The following CFAP299 variants were observed in gnomAD, a reference collection of about 807,000 sequenced individuals.
CFAP299 encodes cilia- and flagella-associated protein 299.
In CFAP299, 21 loss-of-function variants were observed where a neutral mutation model predicts 27.0. The ratio of observed to expected loss-of-function variants is 0.78; its 90% CI spans 0.55 to 1.12. The LOEUF (loss-of-function observed/expected upper bound fraction) is 1.12, where lower values mean the gene tolerates loss of function less well. Ranked by LOEUF, CFAP299 falls within the 50% of genes most tolerant of loss-of-function variation. CFAP299 has a pLI of 0.00. For missense variants in CFAP299, 310 were observed against 276.6 expected, an observed-to-expected ratio of 1.12 and a Z score of -0.86; for synonymous variants, 104 against 98.1, an observed-to-expected ratio of 1.06 and a Z score of -0.36.
At chr4:80,563,771 A>C (rs1735152720) in intron 2 of CFAP299, among the ~76,000 whole-genome samples, 1 of 152,066 alleles carries the variant, frequency 6.6e-6, no homozygotes, top group South Asian at 2.1e-4. Flanking sequence ...TTGGTTTTTG[A>C]AAAGTTAAAC....
intron 2 of CFAP299, among the ~76,000 whole-genome samples, chr4:80,372,713 A>G (rs1724206142): frequency 1.3e-5 from 2 of 152,174 alleles, no homozygotes; most frequent in South Asian, 2.1e-4. Context: ...ATCCTTTCCA[A>G]TCAGCGTGAT....
chr4:80,446,327 G>C (rs182215641), intron 2 of CFAP299, among the ~76,000 whole-genome samples: 85 of 152,300 alleles, frequency 5.6e-4, no homozygotes, highest in African/African-American at 2.0e-3. Flanking sequence ...ATGCAGGAAG[G>C]GGGCAAGGAC....
In CFAP299 at chr4:80,816,389, A is replaced by G. The variant is rs184520802; in HGVS notation, c.334-53604A>G. Among the ~76,000 whole-genome samples the G allele has an allele frequency of 2.7e-4, 41 of 152,264 alleles. No individual in the cohort carries two copies. In the East Asian group the frequency reaches 4.8e-3, roughly 18 times the overall value. On this transcript the variant is annotated intron_variant, in intron 3 of 5. Coordinates refer to ENST00000358105, the MANE Select transcript of CFAP299 (RefSeq NM_152770.3). The stretch of plus-strand genomic sequence containing the variant: ...GCAGTAAAGGAAAATAAATCCCTTT[A>G]ATATAGAAAATGATATAGTGATACT...
intron 2 of CFAP299, among the ~76,000 whole-genome samples, chr4:80,447,329 G>T (rs1352784548): frequency 4.7e-5 from 7 of 150,480 alleles, no homozygotes; most frequent in Admixed American, 2.6e-4. Flanking sequence ...TAGAGACGGG[G>T]TTTCACCGTT....
chr4:80,898,914 G>C (rs1734746972), intron 4 of CFAP299, among the ~76,000 whole-genome samples: 1 of 152,146 alleles, frequency 6.6e-6, no homozygotes, highest in South Asian at 2.1e-4. Flanking sequence ...TCTCTAAAGA[G>C]GTAAAATTTA....
At chr4:80,475,732 A>T (rs1234101039) in intron 2 of CFAP299, among the ~76,000 whole-genome samples, 1 of 152,244 alleles carries the variant, frequency 6.6e-6, no homozygotes, top group Non-Finnish European at 1.5e-5. Flanking sequence ...GTACGTTCAG[A>T]AATAGATAAG....
chr4:80,591,375 G>A (rs1242782379), intron 3 of CFAP299, among the ~76,000 whole-genome samples: 1 of 151,776 alleles, frequency 6.6e-6, no homozygotes, highest in Non-Finnish European at 1.5e-5. Flanking sequence ...CGCCCGCCTC[G>A]GCCTAGGAAA....
At chr4:80,454,918 G>C (rs979762139) in intron 2 of CFAP299, among the ~76,000 whole-genome samples, 2 of 152,158 alleles carry the variant, frequency 1.3e-5, no homozygotes, top group Non-Finnish European at 2.9e-5. Context: ...TGAAATCATA[G>C]GGAGTTGAAG....
At chr4:80,947,398 G>A (rs60927933) in intron 5 of CFAP299, among the ~76,000 whole-genome samples, 5,173 of 152,238 alleles carry the variant, frequency 0.034, 202 homozygotes, top group African/African-American at 0.096. Flanking sequence ...CTCAGCATTA[G>A]TAAACAGAGT....
chr4:80,587,953 G>C (rs183233780), intron 3 of CFAP299, among the ~76,000 whole-genome samples: 23 of 146,446 alleles, frequency 1.6e-4, no homozygotes, highest in Non-Finnish European at 2.6e-4. Flanking sequence ...GCCAATTTTA[G>C]TGCAAGCGAT....
chr4:80,556,126 T>G (rs72659869), intron 2 of CFAP299, among the ~76,000 whole-genome samples: 1,835 of 152,180 alleles, frequency 0.012, 23 homozygotes, highest in Non-Finnish European at 0.018. Context: ...TACTTCATAT[T>G]GGGTTAGCAA....
At chr4:80,524,537 C>G (rs1170991001) in intron 2 of CFAP299, among the ~76,000 whole-genome samples, 3 of 151,946 alleles carry the variant, frequency 2.0e-5, no homozygotes, top group Non-Finnish European at 2.9e-5. Context: ...CTAATCTAGC[C>G]TATGGCTTCT....
At chr4:80,825,826 A>C (rs1457136555) in intron 3 of CFAP299, among the ~76,000 whole-genome samples, 1 of 151,954 alleles carries the variant, frequency 6.6e-6, no homozygotes, top group Non-Finnish European at 1.5e-5. Flanking sequence ...AGGACAGGTA[A>C]ACATATGAAC....
In CFAP299 at chr4:80,422,124, T is replaced by A. The variant is rs528668234; in HGVS notation, c.242+59240T>A. On this transcript the variant is annotated intron_variant, in intron 2 of 5. Coordinates refer to ENST00000358105, the MANE Select transcript of CFAP299 (RefSeq NM_152770.3). ...TGTTCCTTAAGTACTAAAAGAGATT[T>A]AAAAAAAATACTATCTTGTTTAATG... Among the ~76,000 whole-genome samples the A allele has an allele frequency of 4.6e-5, 7 of 151,976 alleles. No homozygotes were observed. The East Asian group carries it at 7.7e-4, about 17-fold the overall frequency.
At chr4:80,476,961 G>A (rs1260557040) in intron 2 of CFAP299, among the ~76,000 whole-genome samples, 20 of 114,400 alleles carry the variant, frequency 1.7e-4, no homozygotes, top group African/African-American at 5.6e-4. Context: ...GTGCGCATGC[G>A]TGTGTGTGTG....
At chr4:80,866,647 G>T (rs1223897395) in intron 3 of CFAP299, among the ~76,000 whole-genome samples, 1 of 152,068 alleles carries the variant, frequency 6.6e-6, no homozygotes, top group Non-Finnish European at 1.5e-5. Flanking sequence ...GACTTGCCCA[G>T]GGCTGTATAC....
At position 80,414,991 on chromosome 4, in the gene CFAP299, C is replaced by T. The variant is rs953484793; in HGVS notation, c.242+52107C>T. On this transcript the variant is annotated intron_variant, in intron 2 of 5. Transcript: ENST00000358105. Reference sequence around the variant, plus strand: ...CAAACCACTGCTTGAAACATAGAGGCGCTGAAGCAATAGTTGTACTGAGTG... The same window carrying T: ...CAAACCACTGCTTGAAACATAGAGGTGCTGAAGCAATAGTTGTACTGAGTG... Among the ~76,000 whole-genome samples, 6 of 152,202 alleles carry T rather than the reference C, an allele frequency of 3.9e-5. No homozygotes were observed. The South Asian group carries it at 6.2e-4, about 16-fold the overall frequency.
At chr4:80,895,010 AG>A (rs774555176) in intron 4 of CFAP299, among the ~76,000 whole-genome samples, 40 of 152,092 alleles carry the variant, frequency 2.6e-4, no homozygotes, top group East Asian at 9.6e-4. Flanking sequence ...AAGGGAGTTC[AG>A]GGGCAATGGA....
rs1215741542 is a variant in CFAP299 at position 80,942,502 on chromosome 4, T to C, written c.477-2308T>C. ...ATTATTTATTTTTATTAAATACTAATAATAATCAGCTACTATAAAAAGCCT... is the reference window on the plus strand; with the variant it reads ...ATTATTTATTTTTATTAAATACTAACAATAATCAGCTACTATAAAAAGCCT... On this transcript the variant is annotated intron_variant, in intron 4 of 5. Transcript: ENST00000358105. Among the ~76,000 whole-genome samples, 6 of 152,144 alleles carry C rather than the reference T, an allele frequency of 3.9e-5. No individual in the cohort carries two copies. In the East Asian group the frequency reaches 9.6e-4, roughly 24 times the overall value.
Sources: gnomAD v4.1 joint callset for allele counts (sites outside exome capture counted in the v4.1 genomes callset) on GRCh38, gnomAD v4.1.1 for gene constraint, MANE v1.5 for transcripts, NCBI Gene and HGNC (gene_info 2026-07-23, HGNC 2026-07-21) for gene names.